NBEAL1: variants seen among roughly 807,000 people sequenced by gnomAD.
NBEAL1 encodes neurobeachin-like protein 1.
In NBEAL1, 273 loss-of-function variants were observed where a neutral mutation model predicts 351.3. The observed-to-expected ratio is 0.78, with a 90% CI of 0.70 to 0.86. The LOEUF is 0.86. Among genes scored for constraint, NBEAL1 ranks in the 40% least tolerant of loss-of-function variants. The probability of loss-of-function intolerance (pLI) is 0.00; values close to 1 mark genes in which losing one functional copy is unlikely to be tolerated. For synonymous variants in NBEAL1, 1,050 were observed against 1,086.4 expected (o/e 0.97, Z 0.66); for missense variants, 2,961 against 3,201.3 (o/e 0.92, Z 1.81).
chr2:203,187,887 T>C (rs2064955218), intron 44 of NBEAL1, among the ~76,000 whole-genome samples: 1 of 152,228 alleles, frequency 6.6e-6, no homozygotes, highest in Admixed American at 6.5e-5. Flanking sequence ...GTTCATTCTT[T>C]CTTTCCTGTA....
intron 11 of NBEAL1, among the ~76,000 whole-genome samples, chr2:203,098,377 T>A (rs534636435): frequency 6.6e-6 from 1 of 152,306 alleles, no homozygotes; most frequent in African/African-American, 2.4e-5. Context: ...TATTTTTTAT[T>A]CTAGATGTGA....
intron 34 of NBEAL1, among the ~76,000 whole-genome samples, chr2:203,151,198 G>T (rs2063641575): frequency 6.6e-6 from 1 of 152,128 alleles, no homozygotes; most frequent in South Asian, 2.1e-4. Flanking sequence ...GGGCGTAGGG[G>T]CACATGCCTG....
At chr2:203,180,639 G>A (rs909804348) in intron 43 of NBEAL1, 127 bp downstream of exon 43, 1 of 893,946 alleles carries the variant, frequency 1.1e-6, no homozygotes, top group Non-Finnish European at 1.6e-6. Context: ...GGATTACTTA[G>A]TGACAGGGCT....
At position 203,125,320 on chromosome 2, in the gene NBEAL1, A is replaced by T. The variant is rs573480989; in HGVS notation, c.2683-32A>T. On this transcript the variant is annotated intron_variant, in intron 19 of 55. Transcript: ENST00000683969. ...TAAATGACAAAATTGTCCTCCTTTT[A>T]TAAGATTTAAACATTATAATTTTCC... 5 of 1,386,766 alleles carry T rather than the reference A, an allele frequency of 3.6e-6. No homozygotes were observed. In the Admixed American group the frequency reaches 1.3e-4, roughly 35 times the overall value. The allele number at this position is 1,386,766 out of a possible 1,614,324, so 85.9% of individuals were successfully genotyped here.
At chr2:203,188,873 G>A (rs1180745017) in intron 45 of NBEAL1, among the ~76,000 whole-genome samples, 1 of 152,200 alleles carries the variant, frequency 6.6e-6, no homozygotes, top group African/African-American at 2.4e-5. Flanking sequence ...GTATTAAACA[G>A]TAGCAGATTT....
chr2:203,171,340 T>C (rs1560855), intron 39 of NBEAL1, among the ~76,000 whole-genome samples: 134,832 of 152,144 alleles, frequency 0.89, 60,804 homozygotes, highest in Non-Finnish European at 0.96. Context: ...CATGGTGGCA[T>C]ATGCCTGTAA....
intron 27 of NBEAL1, among the ~76,000 whole-genome samples, chr2:203,135,274 C>G (rs1275623693): frequency 2.6e-5 from 4 of 152,094 alleles, no homozygotes; most frequent in Non-Finnish European, 5.9e-5. Flanking sequence ...TATTCACTCC[C>G]CTAATGCTAG....
At chr2:203,174,957 A>T (rs1410727638) in intron 41 of NBEAL1, among the ~76,000 whole-genome samples, 190 bp from the exon 42 acceptor site, 1 of 152,080 alleles carries the variant, frequency 6.6e-6, no homozygotes, top group Admixed American at 6.6e-5. Flanking sequence ...TTCAGAAAAA[A>T]GTATTAAGCA....
chr2:203,019,055 T>C (rs2060726536), intron 2 of NBEAL1, among the ~76,000 whole-genome samples: 2 of 152,224 alleles, frequency 1.3e-5, no homozygotes, highest in South Asian at 4.1e-4. Flanking sequence ...TATTCTTTGC[T>C]GTTTATGTGT....
rs754609386 is a variant in NBEAL1, at chr2:203,181,311, ACACT to A, written c.6595+803_6595+806del. On this transcript the variant is annotated intron_variant, in intron 43 of 55. Coordinates refer to ENST00000683969, the MANE Select transcript of NBEAL1 (RefSeq NM_001378026.1). ...TTGAGTAGTTGCAACAGATATGATA[ACACT>A]CACAAAGCCAAAAATATTTATTCTT... 5.9e-5 allele frequency: 9 copies of A among 152,256 alleles called. No individual in the cohort carries two copies. In the East Asian group the frequency reaches 1.5e-3, roughly 26 times the overall value. 9.4% of individuals were successfully genotyped at this position (152,256 alleles called of 1,614,324 possible).
chr2:203,170,780 T>C (rs1269715119), intron 39 of NBEAL1, among the ~76,000 whole-genome samples: 4 of 152,240 alleles, frequency 2.6e-5, no homozygotes, highest in Non-Finnish European at 2.9e-5. Flanking sequence ...AACTTTATTC[T>C]TTAAGTGCTG....
chr2:203,114,346 A>G (rs2106250369), intron 17 of NBEAL1, among the ~76,000 whole-genome samples: 1 of 152,344 alleles, frequency 6.6e-6, no homozygotes, highest in African/African-American at 2.4e-5. Flanking sequence ...GTATCTCTAG[A>G]AGAAATTATG....
At chr2:203,138,078 C>G (rs2063265643) in intron 29 of NBEAL1, 84 bp from the exon 30 acceptor site, 8 of 1,284,062 alleles carry the variant, frequency 6.2e-6, no homozygotes, top group Non-Finnish European at 8.7e-6. Flanking sequence ...AGTGCTGCCT[C>G]TCAAGCTATT....
intron 51 of NBEAL1, among the ~76,000 whole-genome samples, chr2:203,206,156 G>C (rs1424235287): frequency 6.6e-6 from 1 of 152,088 alleles, no homozygotes; most frequent in Admixed American, 6.6e-5. Flanking sequence ...TAAAATGGAA[G>C]ATCAAACATG....
rs1438124252 is a variant in NBEAL1 at position 203,113,294 on chromosome 2, C to T, written c.2482C>T (p.Gln828Ter). The change falls in exon 17 of 56, where the codon CAG (glutamine) becomes TAG (stop). Residue 828 changes from glutamine (Q) to a stop codon, truncating the protein, a stop_gained. Coordinates refer to ENST00000683969, the MANE Select transcript of NBEAL1 (RefSeq NM_001378026.1). LOFTEE classifies it high-confidence loss of function. ...IIFYEPLQPP[Q>*]VKALYLAGPN... ...CTTTTATGAACCACTACAACCTCCT[C>T]AGGTGAAGGCATTATATTTAGCAGG... 4 of 1,420,472 alleles carry T rather than the reference C, an allele frequency of 2.8e-6. No homozygotes were observed. Among genetic ancestry groups the T allele is most frequent in the Non-Finnish European group, 3.7e-6 (4 of 1,084,512 alleles). 88.0% of individuals were successfully genotyped at this position (1,420,472 alleles called of 1,614,324 possible). A position where few individuals can be genotyped will look rare whatever the true frequency, so the allele number is the denominator to read the frequency against.
intron 3 of NBEAL1, among the ~76,000 whole-genome samples, chr2:203,049,082 C>T (rs1436128958): frequency 6.6e-6 from 1 of 152,000 alleles, no homozygotes; most frequent in Admixed American, 6.6e-5. Flanking sequence ...TCTTGGCTCA[C>T]TGCAACCTCT....
chr2:203,190,569 G>A, intron 46 of NBEAL1, 180 bp downstream of exon 46: 1 of 665,036 alleles, frequency 1.5e-6, no homozygotes, highest in Non-Finnish European at 2.5e-6. Context: ...ACCTATTAGG[G>A]TATGCCATTA....
At chr2:203,147,107 G>A (rs990021032) in intron 33 of NBEAL1, among the ~76,000 whole-genome samples, 2 of 152,048 alleles carry the variant, frequency 1.3e-5, no homozygotes, top group African/African-American at 2.4e-5. Flanking sequence ...TAGGGAACTA[G>A]GCAGGGATAT....
At chr2:203,076,717 G>A (rs975029366) in intron 7 of NBEAL1, among the ~76,000 whole-genome samples, 8 of 148,246 alleles carry the variant, frequency 5.4e-5, no homozygotes, top group Non-Finnish European at 7.4e-5. Flanking sequence ...TCAGCCTCCC[G>A]AGTAGCTGGG....
Sources: gnomAD v4.1 joint callset for allele counts (sites outside exome capture counted in the v4.1 genomes callset) on GRCh38, gnomAD v4.1.1 for gene constraint, MANE v1.5 for transcripts, NCBI Gene and HGNC (gene_info 2026-07-23, HGNC 2026-07-21) for gene names.